EMC4: variants seen among roughly 807,000 people sequenced by gnomAD.
EMC4 encodes the protein ER membrane protein complex subunit 4, also known as cell proliferation-inducing gene 17 protein.
Under a neutral mutation model 24.2 loss-of-function variants are expected in EMC4, and 9 were observed. The observed-to-expected ratio is 0.37, with a 90% CI of 0.22 to 0.65. The LOEUF is 0.65. Ranked by LOEUF, EMC4 falls within the 30% of genes least tolerant of loss-of-function variation. The pLI, the probability that EMC4 is intolerant of heterozygous loss-of-function variation, is 0.59. For missense variants in EMC4, 169 were observed against 234.6 expected (o/e 0.72, Z 1.83); for synonymous variants, 86 against 81.1 (o/e 1.06, Z -0.32).
chr15:34,225,428 C>T lies in EMC4; in HGVS notation c.87-108C>T. The T allele has an allele frequency of 4.3e-6, 4 of 921,128 alleles. No individual in the cohort carries two copies. In the South Asian group the frequency reaches 5.8e-5, roughly 13 times the overall value. The allele number at this position is 921,128 out of a possible 1,614,324, so 57.1% of individuals were successfully genotyped here. A position where few individuals can be genotyped will look rare whatever the true frequency, so the allele number is the denominator to read the frequency against. ...AACATACGAGGGGGCTTGGTCTAATCTGAGTAGGTGCATCTGAAGATCTTT... is the reference window on the plus strand; with the variant it reads ...AACATACGAGGGGGCTTGGTCTAATTTGAGTAGGTGCATCTGAAGATCTTT... On this transcript the variant is annotated intron_variant, in intron 1 of 4. Coordinates refer to ENST00000267750, the MANE Select transcript of EMC4 (RefSeq NM_016454.4).
At chr15:34,227,955 G>A (rs535849203) in intron 3 of EMC4, 109 bp downstream of exon 3, 1 of 1,184,830 alleles carries the variant, frequency 8.4e-7, no homozygotes, top group African/African-American at 1.5e-5. Context: ...CGCCAAGCTG[G>A]GTGGATCATC....
At chr15:34,226,408 A>T (rs990730252) in intron 2 of EMC4, 5 of 152,968 alleles carry the variant, frequency 3.3e-5, no homozygotes, top group East Asian at 1.9e-4. Context: ...TTGATTTTTT[A>T]AAAATTATTT....
At position 34,225,037 on chromosome 15, in the gene EMC4, GCGGAGAA is replaced by G; in HGVS notation, c.-75_-69del. ...AAGTGCATTTGCAGAGTGAGACAAAGCGGAGAACGCTGGTGGGCCTGTTGTGGAGTAC... is the reference window on the plus strand; with the variant it reads ...AAGTGCATTTGCAGAGTGAGACAAAGCGCTGGTGGGCCTGTTGTGGAGTAC... On this transcript the variant is annotated 5_prime_UTR_variant, in exon 1 of 5. Coordinates refer to ENST00000267750, the MANE Select transcript of EMC4 (RefSeq NM_016454.4). 4.1e-6 allele frequency: 5 copies of G among 1,219,786 alleles called. No individual in the cohort carries two copies. The highest frequency in any genetic ancestry group is 5.9e-6 in the Non-Finnish European group (5 of 844,916). 75.6% of individuals were successfully genotyped at this position (1,219,786 alleles called of 1,614,324 possible).
chr15:34,228,541 G>C lies in EMC4; in HGVS notation c.468G>C (p.Leu156=). 1 of 1,614,096 alleles carries C rather than the reference G, an allele frequency of 6.2e-7. No individual in the cohort carries two copies. Residue 156 remains leucine, a synonymous_variant, in exon 4 of 5, where the codon CTG becomes CTC. Transcript: ENST00000267750. ...TTTACAAGTGCCAGTCCATGGGACT[G>C]TTACCTACACATGCATCGGATTGGT... is the stretch of plus-strand genomic sequence containing the variant. ...LAVYKCQSMG[L]LPTHASDWLA... is the part of the protein sequence containing the mutation.
Position 34,228,575 on chromosome 15 carries a change from A to T in EMC4, c.502A>T (p.Ile168Phe). Residue 168 changes from isoleucine (I) to phenylalanine (F), a missense_variant, in exon 4 of 5, where the codon ATT becomes TTT. Transcript: ENST00000267750. ...PTHASDWLAFIEPPERMEFSG... is the reference protein window; with the variant it reads ...PTHASDWLAFFEPPERMEFSG... ...ACATGCATCGGATTGGTTAGCCTTCATTGAGCCCCCTGAGGTAAGGCAAAA... is the reference window on the plus strand; with the variant it reads ...ACATGCATCGGATTGGTTAGCCTTCTTTGAGCCCCCTGAGGTAAGGCAAAA... 6.2e-7 allele frequency: 1 copy of T among 1,613,300 alleles called. No individual in the cohort carries two copies. The highest frequency in any genetic ancestry group is 8.5e-7 in the Non-Finnish European group (1 of 1,179,802).
Position 34,229,735 on chromosome 15 carries a change from C to A in EMC4, c.517-18C>A. ...CTCATTTGCCACTCACCTATTTATTCTTTCTTTCTTCTTTCAGAGAATGGA... is the reference window on the plus strand; with the variant it reads ...CTCATTTGCCACTCACCTATTTATTATTTCTTTCTTCTTTCAGAGAATGGA... On this transcript the variant is annotated intron_variant, in intron 4 of 4. Coordinates refer to ENST00000267750, the MANE Select transcript of EMC4 (RefSeq NM_016454.4). 2 of 1,446,240 alleles carry A rather than the reference C, an allele frequency of 1.4e-6. No individual in the cohort carries two copies. The highest frequency in any genetic ancestry group is 1.9e-6 in the Non-Finnish European group (2 of 1,042,100). The allele number at this position is 1,446,240 out of a possible 1,614,324, so 89.6% of individuals were successfully genotyped here. A position where few individuals can be genotyped will look rare whatever the true frequency, so the allele number is the denominator to read the frequency against.
Position 34,227,814 on chromosome 15 carries a change from G to T in EMC4, c.323G>T (p.Arg108Leu). Residue 108 changes from arginine (R) to leucine (L), a missense_variant, in exon 3 of 5, where the codon CGA becomes CTA. Transcript: ENST00000267750. Reference sequence around the variant, plus strand: ...ATGATGGTGTGTATGATGGCCTGGCGACCCATTCAGGCACTTATGGCCATT... The same window carrying T: ...ATGATGGTGTGTATGATGGCCTGGCTACCCATTCAGGCACTTATGGCCATT... ...PTMMVCMMAW[R>L]PIQALMAISA... 1 of 1,613,992 alleles carries T rather than the reference G, an allele frequency of 6.2e-7. No homozygotes were observed. Among genetic ancestry groups the T allele is most frequent in the South Asian group, 1.1e-5 (1 of 91,050 alleles).
intron 2 of EMC4, chr15:34,225,858 T>A (rs1261268269): frequency 6.5e-6 from 4 of 618,804 alleles, no homozygotes; most frequent in East Asian, 3.3e-5. Flanking sequence ...ACATAAGGTA[T>A]AAGAAAGTAG....
intron 1 of EMC4, 156 bp from the exon 2 acceptor site, chr15:34,225,380 C>T (rs564105898): frequency 2.5e-6 from 2 of 791,446 alleles, no homozygotes; most frequent in East Asian, 2.5e-5. Flanking sequence ...CATCAGTCCT[C>T]CTGATAAGTC....
chr15:34,229,901 CAA>C lies in EMC4; in HGVS notation c.*116_*117del, dbSNP rs753809273. On this transcript the variant is annotated 3_prime_UTR_variant, in exon 5 of 5. Transcript: ENST00000267750. ...ACTAATCACTTATGTTAAAAAGAAC[CAA>C]AAGACTCTTTTCTCCATGGTGGGGT... is the stretch of plus-strand genomic sequence containing the variant. 1.0e-5 allele frequency: 10 copies of C among 1,003,216 alleles called. No individual in the cohort carries two copies. The highest frequency in any genetic ancestry group is 1.6e-5 in the African/African-American group (1 of 62,056). The allele number at this position is 1,003,216 out of a possible 1,614,324, so 62.1% of individuals were successfully genotyped here. A position where few individuals can be genotyped will look rare whatever the true frequency, so the allele number is the denominator to read the frequency against.
intron 4 of EMC4, chr15:34,228,824 A>G (rs1890738727): frequency 3.2e-6 from 1 of 315,722 alleles, no homozygotes; most frequent in African/African-American, 2.3e-5. Context: ...AGCTGGGATT[A>G]CAGGCACCTG....
In EMC4 at chr15:34,225,063, G is replaced by C. The variant is rs1260926700; in HGVS notation, c.-52G>C. On this transcript the variant is annotated 5_prime_UTR_variant, in exon 1 of 5. Coordinates refer to ENST00000267750, the MANE Select transcript of EMC4 (RefSeq NM_016454.4). ...CGGAGAACGCTGGTGGGCCTGTTGT[G>C]GAGTACGCTTTGGACTGAGAAGCAT... The C allele has an allele frequency of 6.9e-7, 1 of 1,440,606 alleles. No individual in the cohort carries two copies. The highest frequency in any genetic ancestry group is 1.4e-5 in the African/African-American group (1 of 71,062). 89.2% of individuals were successfully genotyped at this position (1,440,606 alleles called of 1,614,324 possible).
intron 3 of EMC4, 130 bp downstream of exon 3, chr15:34,227,976 A>T: frequency 2.1e-6 from 2 of 934,442 alleles, no homozygotes; most frequent in Non-Finnish European, 3.2e-6. Flanking sequence ...TGAGGGCAGG[A>T]GTTCGAGACC....
At position 34,225,016 on chromosome 15, in the gene EMC4, G is replaced by A. The variant is rs927357481; in HGVS notation, c.-99G>A. ...GACGTCGTATTCACGCGCCGGAAGT[G>A]CATTTGCAGAGTGAGACAAAGCGGA... On this transcript the variant is annotated 5_prime_UTR_variant, in exon 1 of 5. Transcript: ENST00000267750. The A allele has an allele frequency of 4.0e-6, 4 of 989,356 alleles. No homozygotes were observed. The highest frequency in any genetic ancestry group is 6.3e-6 in the Non-Finnish European group (4 of 637,598). The allele number at this position is 989,356 out of a possible 1,614,324, so 61.3% of individuals were successfully genotyped here.
In EMC4 at chr15:34,230,082, ACTG is replaced by A. The variant is rs1327169987; in HGVS notation, c.*300_*302del. The A allele has an allele frequency of 1.3e-5, 5 of 391,088 alleles. No homozygotes were observed. Among genetic ancestry groups the A allele is most frequent in the Non-Finnish European group, 2.3e-5 (5 of 220,086 alleles). 24.2% of individuals were successfully genotyped at this position (391,088 alleles called of 1,614,324 possible). The stretch of plus-strand genomic sequence containing the variant: ...ACATAACTATGTAAACAAGAGAATA[ACTG>A]CTGCTAAATCAAGAACTGTTGCAGC... On this transcript the variant is annotated 3_prime_UTR_variant, in exon 5 of 5. Transcript: ENST00000267750.
chr15:34,229,546 T>G (rs979748043), intron 4 of EMC4: 29 of 516,498 alleles, frequency 5.6e-5, no homozygotes, highest in Non-Finnish European at 8.2e-5. Context: ...TTGCCCAGGC[T>G]GGTCTTGAAC....
rs79389628 is a variant in EMC4 at position 34,225,613 on chromosome 15, C to T, written c.164C>T (p.Thr55Ile). The part of the protein sequence containing the change: ...VGYLDKQVPD[T>I]SVQETDRILV... ...TACTTGGACAAGCAAGTGCCTGATA[C>T]CAGCGTGCAAGAGACAGACCGGATC... Residue 55 changes from threonine to isoleucine, a missense_variant, in exon 2 of 5, where the codon ACC becomes ATC. Transcript: ENST00000267750. 5.6e-6 allele frequency: 9 copies of T among 1,614,010 alleles called. No homozygotes were observed. In the African/African-American group the frequency reaches 1.1e-4, roughly 19 times the overall value.
intron 1 of EMC4, 50 bp downstream of exon 1, chr15:34,225,250 C>T (rs917218916): frequency 2.8e-6 from 4 of 1,426,314 alleles, no homozygotes; most frequent in East Asian, 2.5e-5. Context: ...AGAACTGCAC[C>T]AGAGTAATGA....
intron 4 of EMC4, 71 bp from the exon 5 acceptor site, chr15:34,229,682 G>T (rs191099054): frequency 1.2e-6 from 1 of 867,526 alleles, no homozygotes; most frequent in African/African-American, 1.7e-5. Context: ...AAAGTATTAA[G>T]TAATTGATTC....
Sources: allele counts gnomAD v4.1 joint callset, GRCh38; gene constraint gnomAD v4.1.1; transcripts MANE v1.5; gene names NCBI Gene and HGNC (gene_info 2026-07-23, HGNC 2026-07-21).